The following ARB2A variants were observed in gnomAD, a reference collection of about 807,000 sequenced individuals.
ARB2A encodes the protein ARB2 cotranscriptional regulator A.
the ARB2A span, chr5:94,055,722 T>C: frequency 1.0e-6 from 1 of 985,324 alleles, no homozygotes; most frequent in South Asian, 4.7e-5. Flanking sequence ...TGACTTGCAG[T>C]AGCCAGAATG....
chr5:93,625,795 G>A, the ARB2A span, among the ~76,000 whole-genome samples: 4 of 152,140 alleles, frequency 2.6e-5, no homozygotes, highest in Non-Finnish European at 5.9e-5. Context: ...TGACAAAGAG[G>A]GAGGCTACAT....
chr5:93,761,203 G>A, the ARB2A span, among the ~76,000 whole-genome samples: 2 of 152,172 alleles, frequency 1.3e-5, no homozygotes, highest in Non-Finnish European at 2.9e-5. Context: ...GTGTCAGAAA[G>A]TGGGTGCAGG....
chr5:93,647,921 T>C, the ARB2A span, among the ~76,000 whole-genome samples: 2 of 152,040 alleles, frequency 1.3e-5, no homozygotes, highest in Admixed American at 1.3e-4. Flanking sequence ...GGTGGGCGGA[T>C]CATGTGAGCT....
chr5:93,742,601 A>G, the ARB2A span, among the ~76,000 whole-genome samples: 1 of 152,184 alleles, frequency 6.6e-6, no homozygotes, highest in African/African-American at 2.4e-5. Flanking sequence ...CCTTGGCTAG[A>G]CAATCATAGC....
At chr5:93,679,237 T>C in the ARB2A span, among the ~76,000 whole-genome samples, 1 of 152,022 alleles carries the variant, frequency 6.6e-6, no homozygotes, top group South Asian at 2.1e-4. Flanking sequence ...TGCACATATG[T>C]ATGAGATGTG....
At chr5:93,701,554 C>T in the ARB2A span, among the ~76,000 whole-genome samples, 4 of 151,642 alleles carry the variant, frequency 2.6e-5, no homozygotes, top group African/African-American at 9.7e-5. Flanking sequence ...CTATCTCCTT[C>T]AAAATTCCAA....
chr5:93,797,986 G>A, the ARB2A span, among the ~76,000 whole-genome samples: 3 of 152,018 alleles, frequency 2.0e-5, no homozygotes, highest in Non-Finnish European at 4.4e-5. Context: ...ACATTTGAGA[G>A]AAGTCAAAAG....
chr5:93,846,507 AAAT>A, the ARB2A span, among the ~76,000 whole-genome samples: 5 of 152,086 alleles, frequency 3.3e-5, no homozygotes, highest in South Asian at 8.3e-4. Flanking sequence ...GTCTCTAAAA[AAAT>A]AATAATAATA....
At chr5:93,619,081 C>T in the ARB2A span, 3 of 152,196 alleles carry the variant, frequency 2.0e-5, no homozygotes, top group African/African-American at 7.2e-5. Flanking sequence ...TCTTGAATCT[C>T]TCACTGGAAG....
At chr5:93,880,892 TTTA>T in the ARB2A span, among the ~76,000 whole-genome samples, 1 of 151,764 alleles carries the variant, frequency 6.6e-6, no homozygotes, top group Non-Finnish European at 1.5e-5. Flanking sequence ...GGCTTAAGTA[TTTA>T]TTAAGATATT....
At chr5:93,821,326 G>A in the ARB2A span, among the ~76,000 whole-genome samples, 1 of 152,064 alleles carries the variant, frequency 6.6e-6, no homozygotes. Flanking sequence ...GTGTGTGTAT[G>A]TGTGTGTGTC....
chr5:94,037,025 T>A, the ARB2A span, among the ~76,000 whole-genome samples: 1 of 152,162 alleles, frequency 6.6e-6, no homozygotes, highest in East Asian at 1.9e-4. Flanking sequence ...TTGCTAAAAG[T>A]CCCTTTTCCC....
chr5:94,026,047 G>A, the ARB2A span, among the ~76,000 whole-genome samples: 2 of 152,198 alleles, frequency 1.3e-5, no homozygotes, highest in South Asian at 2.1e-4. Context: ...AGCTAGTCCT[G>A]CAGTGGACTC....
the ARB2A span, among the ~76,000 whole-genome samples, chr5:94,034,196 G>A: frequency 3.3e-5 from 5 of 152,264 alleles, no homozygotes; most frequent in South Asian, 1.0e-3. Flanking sequence ...AACAAAATGG[G>A]CTAAGACATA....
chr5:94,101,623 T>A, the ARB2A span, among the ~76,000 whole-genome samples: 1 of 152,140 alleles, frequency 6.6e-6, no homozygotes, highest in African/African-American at 2.4e-5. Flanking sequence ...AAAAATGAGA[T>A]AATGTCTTCT....
chr5:93,624,690 G>A, the ARB2A span, among the ~76,000 whole-genome samples: 1 of 152,108 alleles, frequency 6.6e-6, no homozygotes, highest in African/African-American at 2.4e-5. Flanking sequence ...GGATATTTTC[G>A]ATGGTCAAGA....
At chr5:93,769,383 C>A in the ARB2A span, among the ~76,000 whole-genome samples, 2 of 152,160 alleles carry the variant, frequency 1.3e-5, no homozygotes, top group Admixed American at 1.3e-4. Flanking sequence ...TTACATATAA[C>A]AGAAATTATT....
chr5:93,658,634 GA>G, the ARB2A span, among the ~76,000 whole-genome samples: 1 of 152,062 alleles, frequency 6.6e-6, no homozygotes. Context: ...TGTTTATAAG[GA>G]AATAATATGT....
At chr5:93,720,920 T>TATAC in the ARB2A span, among the ~76,000 whole-genome samples, 4 of 152,228 alleles carry the variant, frequency 2.6e-5, no homozygotes, top group Admixed American at 2.0e-4. Flanking sequence ...CTGGTAGGTG[T>TATAC]ATACCCACCT....
Sources: allele counts gnomAD v4.1 joint callset (sites outside exome capture counted in the v4.1 genomes callset), GRCh38; gene constraint gnomAD v4.1.1; transcripts MANE v1.5; gene names NCBI Gene and HGNC (gene_info 2026-07-23, HGNC 2026-07-21).